The following WWTR1 variants were observed in gnomAD, a reference collection of about 807,000 sequenced individuals.
The protein encoded by WWTR1 is WW domain containing transcription regulator 1, also known as WW domain-containing transcription regulator protein 1.
A neutral mutation model predicts 40.1 loss-of-function variants in WWTR1; 13 were observed. That is an observed-to-expected ratio of 0.32 (90% CI 0.21 to 0.52). WWTR1 has a LOEUF of 0.52. WWTR1 is among the 20% of genes least tolerant of loss of function. The probability of loss-of-function intolerance (pLI) is 0.97; values close to 1 mark genes in which losing one functional copy is unlikely to be tolerated. For synonymous variants in WWTR1, 230 were observed against 210.1 expected (o/e 1.09, Z -0.82); for missense variants, 436 against 523.1 (o/e 0.83, Z 1.63).
chr3:149,722,967 A>T (rs1336588735), intron 4 of WWTR1, among the ~76,000 whole-genome samples: 1 of 151,878 alleles, frequency 6.6e-6, no homozygotes, highest in Non-Finnish European at 1.5e-5. Flanking sequence ...CATCTTTAAG[A>T]CAGTTGTTTG....
In WWTR1 at chr3:149,548,881, G is replaced by T. The variant is rs553774949; in HGVS notation, c.569-6344C>A. Among the ~76,000 whole-genome samples, 4 of 152,252 alleles carry T rather than the reference G, an allele frequency of 2.6e-5. No individual in the cohort carries two copies. The South Asian group carries it at 6.2e-4, about 24-fold the overall frequency. On this transcript the variant is annotated intron_variant, in intron 3 of 6. Coordinates refer to ENST00000360632, the MANE Select transcript of WWTR1 (RefSeq NM_015472.6). ...GTCAGAGGCACAATTCCATTTAAGT[G>T]AATGGGTAAGGCCTCCCCAAGCCCT...
intron 2 of WWTR1, among the ~76,000 whole-genome samples, chr3:149,646,682 CAGAT>C (rs1316081890): frequency 2.0e-5 from 3 of 152,144 alleles, no homozygotes; most frequent in East Asian, 1.9e-4. Context: ...GACTGATTGA[CAGAT>C]AGAACAGTGG....
At chr3:149,632,991 G>C (rs1711619480) in intron 2 of WWTR1, among the ~76,000 whole-genome samples, 3 of 152,204 alleles carry the variant, frequency 2.0e-5, no homozygotes, top group South Asian at 2.1e-4. Flanking sequence ...AAACCTGACT[G>C]TGATGATGGT....
chr3:149,628,902 T>C lies in WWTR1; in HGVS notation c.431+27974A>G, dbSNP rs544759910. Among the ~76,000 whole-genome samples, 3 of 151,856 alleles carry C rather than the reference T, an allele frequency of 2.0e-5. No homozygotes were observed. The South Asian group carries it at 6.3e-4, about 32-fold the overall frequency. ...GATCTTCCCACCTCAGCCTCCTGAG[T>C]AGCTGGGACCACAGACACATACCAC... On this transcript the variant is annotated intron_variant, in intron 2 of 6. Transcript: ENST00000360632.
chr3:149,661,449 T>G (rs756207045), upstream of WWTR1: 18 of 151,258 alleles, frequency 1.2e-4, no homozygotes, highest in Non-Finnish European at 2.4e-4. Context: ...TCAGACAGGG[T>G]TTCACTTTGT....
chr3:149,615,620 A>G (rs535898160), intron 2 of WWTR1, among the ~76,000 whole-genome samples: 1 of 152,336 alleles, frequency 6.6e-6, no homozygotes, highest in Admixed American at 6.5e-5. Context: ...ATTAAGCTCT[A>G]TTGGAATGGC....
intron 4 of WWTR1, among the ~76,000 whole-genome samples, chr3:149,529,504 T>A (rs1007322993): frequency 6.6e-6 from 1 of 152,182 alleles, no homozygotes; most frequent in Non-Finnish European, 1.5e-5. Flanking sequence ...TTGCAAATAA[T>A]CAAATACTTA....
chr3:149,622,439 CAGAA>C (rs1344627102), intron 2 of WWTR1, among the ~76,000 whole-genome samples: 58 of 113,298 alleles, frequency 5.1e-4, no homozygotes, highest in African/African-American at 1.7e-3. Context: ...CATATTTTCC[CAGAA>C]AGAAAGAAAG....
chr3:149,676,268 C>CA (rs11396107), intron 1 of WWTR1, among the ~76,000 whole-genome samples: 149,456 of 152,036 alleles, frequency 0.98, 73,476 homozygotes, highest in East Asian at 1. Flanking sequence ...GGGAAAGAGA[C>CA]AAAAAAAATC....
chr3:149,596,045 A>T (rs1166053917), intron 2 of WWTR1, among the ~76,000 whole-genome samples: 1 of 152,150 alleles, frequency 6.6e-6, no homozygotes, highest in Non-Finnish European at 1.5e-5. Context: ...CTCAAAAAAA[A>T]ACAAAAACAA....
At chr3:149,595,250 G>A (rs375990175) in intron 2 of WWTR1, among the ~76,000 whole-genome samples, 3 of 151,886 alleles carry the variant, frequency 2.0e-5, no homozygotes, top group Non-Finnish European at 4.4e-5. Flanking sequence ...ATGAGCCACC[G>A]CGCCCAGCCT....
intron 3 of WWTR1, among the ~76,000 whole-genome samples, chr3:149,557,110 ACCCAGGCTGGAGTG>A (rs1736866876): frequency 8.8e-6 from 1 of 113,654 alleles, no homozygotes; most frequent in South Asian, 3.0e-4. Context: ...TCACTCTGTC[ACCCAGGCTGGAGTG>A]CAATGGCACG....
At chr3:149,708,260 T>G (rs978760649), upstream of WWTR1, among the ~76,000 whole-genome samples, 1 of 152,224 alleles carries the variant, frequency 6.6e-6, no homozygotes, top group African/African-American at 2.4e-5. Flanking sequence ...CTTGTTGGTT[T>G]TTGTTTGTTT....
intron 2 of WWTR1, among the ~76,000 whole-genome samples, chr3:149,654,504 G>A (rs1713081909): frequency 6.6e-6 from 1 of 152,166 alleles, no homozygotes; most frequent in African/African-American, 2.4e-5. Context: ...ACTACCCAAA[G>A]TGAAATGAAG....
At chr3:149,698,371 C>A (rs187868426) in intron 1 of WWTR1, among the ~76,000 whole-genome samples, 4 of 152,248 alleles carry the variant, frequency 2.6e-5, no homozygotes, top group Non-Finnish European at 5.9e-5. Flanking sequence ...CCATGTAAGA[C>A]GTGCCTGTTT....
chr3:149,572,844 T>G lies in WWTR1; in HGVS notation c.568+20A>C. 1 of 1,611,892 alleles carries G rather than the reference T, an allele frequency of 6.2e-7. No individual in the cohort carries two copies. Among genetic ancestry groups the G allele is most frequent in the Non-Finnish European group, 8.5e-7 (1 of 1,179,554 alleles). ...AAAAAAAAAATATCTTTTTTAATTT[T>G]AAAAAAGCTTGAGGCTTACCGAGAT... is the stretch of plus-strand genomic sequence containing the variant. On this transcript the variant is annotated intron_variant, in intron 3 of 6. Coordinates refer to ENST00000360632, the MANE Select transcript of WWTR1 (RefSeq NM_015472.6).
Position 149,559,307 on chromosome 3 carries a change from A to G in WWTR1, c.568+13557T>C, listed in dbSNP as rs1030839025. 4.0e-5 allele frequency among the ~76,000 whole-genome samples: 6 copies of G among 148,982 alleles called. No homozygotes were observed. The South Asian group carries it at 1.1e-3, about 27-fold the overall frequency. On this transcript the variant is annotated intron_variant, in intron 3 of 6. Transcript: ENST00000360632. ...AGACTCCATCTCAAAAAAAAAAAAA[A>G]AAAAAAGAAAAGAAAAGAAAAAAGA...
At chr3:149,594,130 T>C (rs571820833) in intron 2 of WWTR1, among the ~76,000 whole-genome samples, 58 of 152,318 alleles carry the variant, frequency 3.8e-4, no homozygotes, top group Non-Finnish European at 4.4e-5. Context: ...TTTCTTAAAG[T>C]AATCAAGAGA....
At chr3:149,625,131 G>GT (rs1283351694) in intron 2 of WWTR1, among the ~76,000 whole-genome samples, 11 of 108,434 alleles carry the variant, frequency 1.0e-4, no homozygotes, top group East Asian at 7.8e-4. Context: ...GGTTTTTTTG[G>GT]TTTTTTTTGT....
Sources: allele counts gnomAD v4.1 joint callset (sites outside exome capture counted in the v4.1 genomes callset), GRCh38; gene constraint gnomAD v4.1.1; transcripts MANE v1.5; gene names NCBI Gene and HGNC (gene_info 2026-07-23, HGNC 2026-07-21).